Variants in NAB1 observed in about 807,000 individuals in gnomAD.
The protein encoded by NAB1 is NGFI-A binding protein 1, also known as NGFI-A-binding protein 1.
NAB1 carries 25 observed loss-of-function variants against 49.9 expected under a neutral mutation model. The ratio of observed to expected loss-of-function variants is 0.50; its 90% CI spans 0.37 to 0.70. NAB1 has a LOEUF of 0.70. Among genes scored for constraint, NAB1 ranks in the 30% least tolerant of loss-of-function variants. NAB1 has a pLI of 0.00. For synonymous variants in NAB1, 198 were observed against 215.6 expected (o/e 0.92, Z 0.71); for missense variants, 489 against 575.9 (o/e 0.85, Z 1.54).
At chr2:190,687,858 G>A (rs1265710366) in intron 9 of NAB1, among the ~76,000 whole-genome samples, 1 of 151,978 alleles carries the variant, frequency 6.6e-6, no homozygotes, top group Non-Finnish European at 1.5e-5. Flanking sequence ...TACCTTTTTT[G>A]GCAATAACAT....
rs1009704702 is a variant in NAB1 at position 190,678,491 on chromosome 2, A to C, written c.1006-5247A>C. 6.6e-6 allele frequency among the ~76,000 whole-genome samples: 1 copy of C among 152,218 alleles called. No homozygotes were observed. The highest frequency in any genetic ancestry group is 1.5e-5 in the Non-Finnish European group (1 of 68,042). On this transcript the variant is annotated intron_variant, in intron 6 of 9. Transcript: ENST00000337386. This position sits in a 1 kb window ranked among gnomAD's most constrained non-coding sequence, Gnocchi z 4.9. Reference sequence around the variant, plus strand: ...CATTTGAGTTTTCTTCATTCGCTGAAATTGCTGGAGACTGGGCAGAGATGG... The same window carrying C: ...CATTTGAGTTTTCTTCATTCGCTGACATTGCTGGAGACTGGGCAGAGATGG...
At position 190,685,050 on chromosome 2, in the gene NAB1, CATCAT is replaced by C. The variant is rs1695539132; in HGVS notation, c.1096-421_1096-417del. ...ACCTTTTCTCCCCCAAACATATTGT[CATCAT>C]ATCAGAGTCTGTGTACTGCCAGATC... On this transcript the variant is annotated intron_variant, in intron 7 of 9. Transcript: ENST00000337386. The surrounding 1 kb of genome is among the most constrained non-coding windows in gnomAD (Gnocchi z 4.5). Among the ~76,000 whole-genome samples, 1 of 152,142 alleles carries C rather than the reference CATCAT, an allele frequency of 6.6e-6. No homozygotes were observed.
Position 190,681,502 on chromosome 2 carries a change from T to TA in NAB1, c.1006-2235dup, listed in dbSNP as rs1310851013. On this transcript the variant is annotated intron_variant, in intron 6 of 9. Transcript: ENST00000337386. ...GGATTTAGCTTGGACTGTATACACT[T>TA]ATATGAAGTTCATTTTAGCTTATTT... Among the ~76,000 whole-genome samples the TA allele has an allele frequency of 1.8e-4, 27 of 152,342 alleles. No homozygotes were observed. In the East Asian group the frequency reaches 3.9e-3, roughly 22 times the overall value.
At chr2:190,671,932 T>C (rs1694834403) in intron 5 of NAB1, among the ~76,000 whole-genome samples, 1 of 151,950 alleles carries the variant, frequency 6.6e-6, no homozygotes, top group African/African-American at 2.4e-5. Context: ...TGCACCACCA[T>C]GCCCAGCTAA....
Position 190,659,930 on chromosome 2 carries a change from T to G in NAB1, c.754T>G (p.Tyr252Asp). 1 of 1,614,138 alleles carries G rather than the reference T, an allele frequency of 6.2e-7. No individual in the cohort carries two copies. The highest frequency in any genetic ancestry group is 8.5e-7 in the Non-Finnish European group (1 of 1,180,030). ...ACACAAAGAGGAGGAAATTCGGAAA[T>G]ACAGTGCAATATATGGCAGATTTGA... The part of the protein sequence containing the change: ...DPHKEEEIRK[Y>D]SAIYGRFDSK... The change falls in exon 4 of 10, where the codon TAC (tyrosine) becomes GAC (aspartate). Residue 252 changes from tyrosine to aspartate, a missense_variant. Physicochemically the swap from Tyr to Asp is radical, Grantham distance 160. Coordinates refer to ENST00000337386, the MANE Select transcript of NAB1 (RefSeq NM_005966.4). This position sits in a 1 kb window ranked among gnomAD's most constrained non-coding sequence, Gnocchi z 6.2.
chr2:190,685,638 G>A lies in NAB1; in HGVS notation c.1258G>A (p.Gly420Arg), dbSNP rs148222259. The stretch of plus-strand genomic sequence containing the variant: ...GACTTCCGATAACTCAGATGGACAA[G>A]GTACATCTTTAGAATATCCTATGCC... Reference protein sequence around the residue: ...GLTSDNSDGQGERPLNLRMPN... With the variant: ...GLTSDNSDGQRERPLNLRMPN... Residue 420 changes from glycine to arginine, a missense_variant and splice_region_variant, in exon 8 of 10, where the codon GGA (glycine) becomes AGA (arginine). Gly to Arg is a moderately radical substitution (Grantham distance 125). Transcript: ENST00000337386. This position sits in a 1 kb window ranked among gnomAD's most constrained non-coding sequence, Gnocchi z 4.5. 2.4e-5 allele frequency: 39 copies of A among 1,601,294 alleles called. No homozygotes were observed. The African/African-American group carries it at 4.0e-4, about 17-fold the overall frequency.
At chr2:190,672,993 AGT>A (rs1694891802) in intron 5 of NAB1, 106 bp from the exon 6 acceptor site, 3 of 856,978 alleles carry the variant, frequency 3.5e-6, no homozygotes, top group Non-Finnish European at 3.7e-6. Flanking sequence ...CTGGTGTTGG[AGT>A]TTCAGGGTAT....
rs1693828401 is a variant in NAB1, at chr2:190,654,608, AG to A, written c.-196-1367del. On this transcript the variant is annotated intron_variant, in intron 2 of 9. Transcript: ENST00000337386. This position sits in a 1 kb window ranked among gnomAD's most constrained non-coding sequence, Gnocchi z 5.6. ...GGAACAGAGAGAAGGCTGGAAAGAT[AG>A]GCTTGGGTCTGGGATGCCTATATGA... is the stretch of plus-strand genomic sequence containing the variant. Among the ~76,000 whole-genome samples the A allele has an allele frequency of 6.6e-6, 1 of 151,010 alleles. No homozygotes were observed. Among genetic ancestry groups the A allele is most frequent in the Non-Finnish European group, 1.5e-5 (1 of 67,856 alleles).
intron 2 of NAB1, among the ~76,000 whole-genome samples, chr2:190,650,358 A>G (rs1410973290): frequency 6.6e-6 from 1 of 152,226 alleles, no homozygotes. Context: ...AAGAGTGCAA[A>G]GATCAGAAGC....
rs1429976925 is a variant in NAB1, at chr2:190,691,685, C to G, written c.*1352C>G. ...TGGTTTAAGAGAAGATAACTGACAGCTTTACCTACTTCCTACAGATGCATC... is the reference window on the plus strand; with the variant it reads ...TGGTTTAAGAGAAGATAACTGACAGGTTTACCTACTTCCTACAGATGCATC... On this transcript the variant is annotated 3_prime_UTR_variant, in exon 10 of 10. Transcript: ENST00000337386. The surrounding 1 kb of genome is among the most constrained non-coding windows in gnomAD (Gnocchi z 4.1). 6.6e-6 allele frequency: 1 copy of G among 152,138 alleles called. No homozygotes were observed. The highest frequency in any genetic ancestry group is 1.5e-5 in the Non-Finnish European group (1 of 67,988). 9.4% of individuals were successfully genotyped at this position (152,138 alleles called of 1,614,324 possible). A position where few individuals can be genotyped will look rare whatever the true frequency, so the allele number is the denominator to read the frequency against.
chr2:190,673,729 T>C (rs996000222), intron 6 of NAB1, among the ~76,000 whole-genome samples: 15 of 152,346 alleles, frequency 9.8e-5, no homozygotes, highest in African/African-American at 3.6e-4. Context: ...ACAGAGACTT[T>C]ACTGTAACTA....
intron 9 of NAB1, among the ~76,000 whole-genome samples, chr2:190,687,650 A>C (rs1166993633): frequency 6.6e-6 from 1 of 152,188 alleles, no homozygotes; most frequent in Non-Finnish European, 1.5e-5. Flanking sequence ...AGGGATGCTC[A>C]ATTGTCAGTT....
rs1365749313 is a variant in NAB1, at chr2:190,657,396, G to A, written c.-20+1243G>A. Among the ~76,000 whole-genome samples the A allele has an allele frequency of 6.6e-6, 1 of 152,172 alleles. No homozygotes were observed. The highest frequency in any genetic ancestry group is 1.5e-5 in the Non-Finnish European group (1 of 68,020). On this transcript the variant is annotated intron_variant, in intron 3 of 9. Coordinates refer to ENST00000337386, the MANE Select transcript of NAB1 (RefSeq NM_005966.4). This position sits in a 1 kb window ranked among gnomAD's most constrained non-coding sequence, Gnocchi z 4.4. ...CACAGTACCTGTAGGAGTTTGTGGT[G>A]CCCGGAGGATTTATTAAGTAGGAAT...
chr2:190,654,016 G>T lies in NAB1; in HGVS notation c.-196-1961G>T, dbSNP rs1455809256. ...ATTGAGATACTGGTTTACACAGAAG[G>T]CCTCCCCTTTGGAATATGAAAGGTT... On this transcript the variant is annotated intron_variant, in intron 2 of 9. Transcript: ENST00000337386. The surrounding 1 kb of genome is among the most constrained non-coding windows in gnomAD (Gnocchi z 5.6). Among the ~76,000 whole-genome samples, 13 of 152,174 alleles carry T rather than the reference G, an allele frequency of 8.5e-5. No homozygotes were observed. Among genetic ancestry groups the T allele is most frequent in the Admixed American group, 8.5e-4 (13 of 15,286 alleles).
rs1454695022 is a variant in NAB1, at chr2:190,657,635, T to C, written c.-20+1482T>C. Reference sequence around the variant, plus strand: ...CCCTTGCAAAGAAAGAGACATAAAATTTGCGGAAGTCAAAACAGATGTGGA... The same window carrying C: ...CCCTTGCAAAGAAAGAGACATAAAACTTGCGGAAGTCAAAACAGATGTGGA... On this transcript the variant is annotated intron_variant, in intron 3 of 9. Coordinates refer to ENST00000337386, the MANE Select transcript of NAB1 (RefSeq NM_005966.4). This position sits in a 1 kb window ranked among gnomAD's most constrained non-coding sequence, Gnocchi z 4.4. 6.6e-6 allele frequency among the ~76,000 whole-genome samples: 1 copy of C among 152,082 alleles called. No individual in the cohort carries two copies. The highest frequency in any genetic ancestry group is 1.5e-5 in the Non-Finnish European group (1 of 68,018).
At chr2:190,664,569 T>G (rs1486690390) in intron 4 of NAB1, among the ~76,000 whole-genome samples, 6 of 141,044 alleles carry the variant, frequency 4.3e-5, no homozygotes, top group Admixed American at 2.9e-4. Context: ...TTTCTTCCTC[T>G]CTTTCTTTCT....
Position 190,670,515 on chromosome 2 carries a change from G to T in NAB1, c.953+56G>T. 6.5e-7 allele frequency: 1 copy of T among 1,548,998 alleles called. No individual in the cohort carries two copies. Among genetic ancestry groups the T allele is most frequent in the Non-Finnish European group, 8.9e-7 (1 of 1,128,758 alleles). On this transcript the variant is annotated intron_variant, in intron 5 of 9. Transcript: ENST00000337386. The surrounding 1 kb of genome is among the most constrained non-coding windows in gnomAD (Gnocchi z 5.3). ...GCATTGCTTGAGAGAAGTAGAGTTC[G>T]AAACATCATCTATTGATAGAATATA... is the stretch of plus-strand genomic sequence containing the variant.
chr2:190,659,532 A>G lies in NAB1; in HGVS notation c.356A>G (p.Asn119Ser), dbSNP rs1694107311. Reference sequence around the variant, plus strand: ...TGCAGTAGTTATGAAAGGAGTAGCAATGCCCGGGAACCTCATTTAAAAATC... The same window carrying G: ...TGCAGTAGTTATGAAAGGAGTAGCAGTGCCCGGGAACCTCATTTAAAAATC... ...ISCSSYERSS[N>S]AREPHLKIPK... Residue 119 changes from asparagine to serine, a missense_variant, in exon 4 of 10, where the codon AAT becomes AGT. Around this residue, in one of 4 missense-constraint regions of NAB1, gnomAD observed 204 missense variants for 220.9 expected, o/e 0.92. Transcript: ENST00000337386. The surrounding 1 kb of genome is among the most constrained non-coding windows in gnomAD (Gnocchi z 6.2). 2.5e-6 allele frequency: 4 copies of G among 1,614,194 alleles called. No individual in the cohort carries two copies. Among genetic ancestry groups the G allele is most frequent in the Non-Finnish European group, 3.4e-6 (4 of 1,180,030 alleles).
At chr2:190,661,255 A>G (rs547322134) in intron 4 of NAB1, among the ~76,000 whole-genome samples, 1 of 152,290 alleles carries the variant, frequency 6.6e-6, no homozygotes, top group Non-Finnish European at 1.5e-5. Context: ...AAATGATTTT[A>G]GACATGAATG....
Sources: gnomAD v4.1 joint callset for allele counts (sites outside exome capture counted in the v4.1 genomes callset) on GRCh38, gnomAD v4.1.1 for gene constraint, gnomAD v4.1.1 regional missense constraint, Gnocchi (gnomAD v3.1) non-coding constraint, MANE v1.5 for transcripts, NCBI Gene and HGNC (gene_info 2026-07-23, HGNC 2026-07-21) for gene names.